Variants in CGN observed in about 807,000 individuals in gnomAD.
CGN encodes cingulin.
In CGN, 121 loss-of-function variants were observed where a neutral mutation model predicts 157.1. The observed-to-expected ratio is 0.77, with a 90% CI of 0.66 to 0.90. The LOEUF (loss-of-function observed/expected upper bound fraction) is 0.90, where lower values mean the gene tolerates loss of function less well. Among genes scored for constraint, CGN ranks in the 40% least tolerant of loss-of-function variants. The pLI, the probability that CGN is intolerant of heterozygous loss-of-function variation, is 0.00. For synonymous variants in CGN, 535 were observed against 607.5 expected, an observed-to-expected ratio of 0.88 and a Z score of 1.76; for missense variants, 1,424 against 1,520.9, an observed-to-expected ratio of 0.94 and a Z score of 1.06.
rs1267127262 is a variant in CGN, at chr1:151,524,414, C to G, written c.1401+56C>G. On this transcript the variant is annotated intron_variant, in intron 7 of 20. Transcript: ENST00000271636. This position sits in a 1 kb window ranked among gnomAD's most constrained non-coding sequence, Gnocchi z 4.4. ...TGCTTTTTCTCAGTTGGAGCATCCT[C>G]AAGTCTGCTCATCCATGGTTTCCCC... is the stretch of plus-strand genomic sequence containing the variant. 20 of 1,601,350 alleles carry G rather than the reference C, an allele frequency of 1.2e-5. No individual in the cohort carries two copies. Among genetic ancestry groups the G allele is most frequent in the Middle Eastern group, 2.1e-4 (1 of 4,718 alleles).
chr1:151,515,190 G>T lies in CGN; in HGVS notation c.-14-3316G>T, dbSNP rs142826502. Reference sequence around the variant, plus strand: ...GCTAATTTTTGTATTTTTAGTAGACGTGGGGTTTCACCATGTTGGCCGGGC... The same window carrying T: ...GCTAATTTTTGTATTTTTAGTAGACTTGGGGTTTCACCATGTTGGCCGGGC... On this transcript the variant is annotated intron_variant, in intron 1 of 20. Transcript: ENST00000271636. 4.6e-5 allele frequency among the ~76,000 whole-genome samples: 7 copies of T among 151,944 alleles called. No homozygotes were observed. In the East Asian group the frequency reaches 1.4e-3, roughly 30 times the overall value.
rs773918466 is a variant in CGN, at chr1:151,532,490, T to G, written c.2660T>G (p.Val887Gly). ...TATAAGGAAAAGGCCCGGCGGGAGG[T>G]GGCAGATGCCCAGCGCCAGGCCAAG... is the stretch of plus-strand genomic sequence containing the variant. The part of the protein sequence containing the change: ...EDYKEKARRE[V>G]ADAQRQAKDW... Residue 887 changes from valine to glycine, a missense_variant, in exon 14 of 21, where the codon GTG becomes GGG. Transcript: ENST00000271636. The G allele has an allele frequency of 4.4e-6, 7 of 1,608,764 alleles. No individual in the cohort carries two copies. The highest frequency in any genetic ancestry group is 1.3e-5 in the African/African-American group (1 of 74,434).
At chr1:151,527,950 A>ATCTATTTTT (rs1162526104) in intron 10 of CGN, 1 of 80,452 alleles carries the variant, frequency 1.2e-5, no homozygotes, top group South Asian at 4.7e-4. Context: ...ATATATATAT[A>ATCTATTTTT]TTTTTTTTTT....
In CGN at chr1:151,523,578, G is replaced by GCGCA; in HGVS notation, c.1268+19_1268+22dup. The GCGCA allele has an allele frequency of 6.3e-7, 1 of 1,591,982 alleles. No individual in the cohort carries two copies. On this transcript the variant is annotated intron_variant, in intron 6 of 20. Coordinates refer to ENST00000271636, the MANE Select transcript of CGN (RefSeq NM_020770.3). ...CAACAAGGAGTGAGTGCAGCTGGTG[G>GCGCA]CGCACCTCGGGCTGCTTGGGGGCCT...
rs758307505 is a variant in CGN at position 151,529,962 on chromosome 1, A to G, written c.2160A>G (p.Ala720=). 6.8e-6 allele frequency: 11 copies of G among 1,614,008 alleles called. No homozygotes were observed. Among genetic ancestry groups the G allele is most frequent in the African/African-American group, 1.3e-5 (1 of 74,928 alleles). The change falls in exon 12 of 21, where the codon GCA becomes GCG. Residue 720 remains alanine (A), a synonymous_variant. Transcript: ENST00000271636. ...CAGTGCTGGGGCAGCGGCGGGCCGCAGTGGAGACGACGCTTCGGGAGACCC... is the reference window on the plus strand; with the variant it reads ...CAGTGCTGGGGCAGCGGCGGGCCGCGGTGGAGACGACGCTTCGGGAGACCC... ...EATVLGQRRA[A]VETTLRETQE...
chr1:151,532,650 C>G, intron 14 of CGN, 78 bp downstream of exon 14: 4 of 1,141,690 alleles, frequency 3.5e-6, no homozygotes, highest in Non-Finnish European at 4.5e-6. Flanking sequence ...GACAGAGTCT[C>G]ACTCTGTCGC....
chr1:151,529,732 G>A (rs2102498862), intron 11 of CGN, among the ~76,000 whole-genome samples, 173 bp downstream of exon 11: 1 of 152,286 alleles, frequency 6.6e-6, no homozygotes, highest in African/African-American at 2.4e-5. Context: ...ACCTGTATCT[G>A]TGTAGGGGTG....
At position 151,529,920 on chromosome 1, in the gene CGN, G is replaced by A; in HGVS notation, c.2118G>A (p.Val706=). ...TGAACCGTCCTTAGGCTAAGATGGT[G>A]GCCGAGGCAGAGGCAACAGTGCTGG... ...DCEEASKAKM[V]AEAEATVLGQ... The change falls in exon 12 of 21, where the codon GTG becomes GTA. Residue 706 remains valine (V), a synonymous_variant. Transcript: ENST00000271636. 1.2e-6 allele frequency: 2 copies of A among 1,613,700 alleles called. No homozygotes were observed. The highest frequency in any genetic ancestry group is 2.2e-5 in the East Asian group (1 of 44,878).
chr1:151,530,867 G>A, intron 13 of CGN, 121 bp downstream of exon 13: 2 of 1,066,382 alleles, frequency 1.9e-6, no homozygotes, highest in South Asian at 3.1e-5. Flanking sequence ...ATGGCCAGGT[G>A]CGGTGACTCA....
At position 151,538,024 on chromosome 1, in the gene CGN, G is replaced by C. The variant is rs528013445; in HGVS notation, c.*678G>C. ...CACATTCATACCTCTCCAAAGACCA[G>C]CTTTTCCCCAGCCAGGGCCCTCAGC... On this transcript the variant is annotated 3_prime_UTR_variant, in exon 21 of 21. Transcript: ENST00000271636. The C allele has an allele frequency of 1.7e-4, 26 of 152,732 alleles. No individual in the cohort carries two copies. Among genetic ancestry groups the C allele is most frequent in the Non-Finnish European group, 3.2e-4 (22 of 68,122 alleles). The allele number at this position is 152,732 out of a possible 1,614,324, so 9.5% of individuals were successfully genotyped here. A position where few individuals can be genotyped will look rare whatever the true frequency, so the allele number is the denominator to read the frequency against.
intron 11 of CGN, among the ~76,000 whole-genome samples, 160 bp from the exon 12 acceptor site, chr1:151,529,749 T>G (rs1378846017): frequency 6.6e-6 from 1 of 152,144 alleles, no homozygotes; most frequent in East Asian, 1.9e-4. Context: ...GGTGGGATTC[T>G]CAGAGAAGCG....
At chr1:151,522,838 C>T (rs184620702) in intron 5 of CGN, among the ~76,000 whole-genome samples, 20 of 151,528 alleles carry the variant, frequency 1.3e-4, no homozygotes, top group African/African-American at 3.6e-4. Context: ...TGCTTGAACC[C>T]GGGAGGTGGA....
upstream of CGN, among the ~76,000 whole-genome samples, chr1:151,511,213 T>C (rs1468256257): frequency 6.6e-6 from 1 of 152,124 alleles, no homozygotes; most frequent in South Asian, 2.1e-4. The surrounding 1 kb of genome is among the most constrained non-coding windows in gnomAD (Gnocchi z 4.8). Flanking sequence ...TGGGTCCACG[T>C]GACCTGGCCC....
Position 151,534,046 on chromosome 1 carries a change from A to G in CGN, c.2814A>G (p.Leu938=), listed in dbSNP as rs1664903553. The change falls in exon 15 of 21, where the codon CTA becomes CTG. Residue 938 remains leucine (L), a synonymous_variant. Transcript: ENST00000271636. ...ERDTARLDKE[L]LAQRLQGLEQ... ...ACACAGCCCGGCTGGACAAAGAGCT[A>G]CTGGCCCAGCGACTGCAGGGGCTGG... The G allele has an allele frequency of 6.2e-7, 1 of 1,613,762 alleles. No homozygotes were observed. The highest frequency in any genetic ancestry group is 8.5e-7 in the Non-Finnish European group (1 of 1,179,910).
At chr1:151,529,873 TG>T (rs1664790205) in intron 11 of CGN, 35 bp from the exon 12 acceptor site, 1 of 1,591,454 alleles carries the variant, frequency 6.3e-7, no homozygotes, top group Non-Finnish European at 8.6e-7. Flanking sequence ...TGCCACGCCC[TG>T]GGGTCTGAGC....
chr1:151,517,058 T>TGAGGCAGGAGAATTGCTTAAACTCGG (rs1294759717), intron 1 of CGN, among the ~76,000 whole-genome samples: 3 of 151,884 alleles, frequency 2.0e-5, no homozygotes, highest in Non-Finnish European at 4.4e-5. Flanking sequence ...CTCGGGAGGC[T>TGAGGCAGGAGAATTGCTTAAACTCGG]GAGGCAGGAG....
In CGN at chr1:151,519,135, C is replaced by T. The variant is rs559686107; in HGVS notation, c.616C>T (p.Pro206Ser). 4 of 1,614,110 alleles carry T rather than the reference C, an allele frequency of 2.5e-6. No homozygotes were observed. In the East Asian group the frequency reaches 6.7e-5, roughly 27 times the overall value. The change falls in exon 2 of 21, where the codon CCT becomes TCT. Residue 206 changes from proline to serine, a missense_variant. Physicochemically the swap from Pro to Ser is moderately conservative, Grantham distance 74 (BLOSUM62 -1). Coordinates refer to ENST00000271636, the MANE Select transcript of CGN (RefSeq NM_020770.3). ...TGGCCGCCGAACACGGATGCTACCC[C>T]CTGAACAGCGCAAACGGAGCAAGAG... ...RTGRRTRMLP[P>S]EQRKRSKSLD...
rs1491531896 is a variant in CGN at position 151,527,951 on chromosome 1, T to TATATATA, written c.1896+844_1896+845insATATATA. The TATATATA allele has an allele frequency of 1.7e-4, 13 of 78,776 alleles. 1 individual carries two copies. The highest frequency in any genetic ancestry group is 6.8e-4 in the African/African-American group (13 of 19,100). 4.9% of individuals were successfully genotyped at this position (78,776 alleles called of 1,614,324 possible). A position where few individuals can be genotyped will look rare whatever the true frequency, so the allele number is the denominator to read the frequency against. Reference sequence around the variant, plus strand: ...TGGCCACACTATATATATATATATATTTTTTTTTTTTTTTTTTTTTTTGAG... The same window carrying TATATATA: ...TGGCCACACTATATATATATATATATATATATATTTTTTTTTTTTTTTTTTTTTTGAG... On this transcript the variant is annotated intron_variant, in intron 10 of 20. Coordinates refer to ENST00000271636, the MANE Select transcript of CGN (RefSeq NM_020770.3).
At chr1:151,523,955 C>G (rs960604534) in intron 6 of CGN, among the ~76,000 whole-genome samples, 1 of 152,086 alleles carries the variant, frequency 6.6e-6, no homozygotes, top group South Asian at 2.1e-4. Flanking sequence ...GGCTCGCTCT[C>G]CAGAAGCTTA....
Sources: allele counts gnomAD v4.1 joint callset (sites outside exome capture counted in the v4.1 genomes callset), GRCh38; gene constraint gnomAD v4.1.1; non-coding constraint Gnocchi (gnomAD v3.1); transcripts MANE v1.5; gene names NCBI Gene and HGNC (gene_info 2026-07-23, HGNC 2026-07-21).